Variants in FAM20A observed in about 807,000 individuals in gnomAD.
The protein encoded by FAM20A is FAM20A golgi associated secretory pathway pseudokinase.
Under a neutral mutation model 52.0 loss-of-function variants are expected in FAM20A, and 42 were observed. The observed-to-expected ratio is 0.81, with a 90% CI of 0.63 to 1.04. The LOEUF (loss-of-function observed/expected upper bound fraction) is 1.04, where lower values mean the gene tolerates loss of function less well. Ranked by LOEUF, FAM20A falls within the 50% of genes least tolerant of loss-of-function variation. The probability of loss-of-function intolerance (pLI) is 0.00; values close to 1 mark genes in which losing one functional copy is unlikely to be tolerated. For synonymous variants in FAM20A, 304 were observed against 298.9 expected (o/e 1.02, Z -0.18); for missense variants, 742 against 712.7 (o/e 1.04, Z -0.47).
chr17:68,570,919 T>A (rs1479824735), intron 1 of FAM20A, among the ~76,000 whole-genome samples: 1 of 152,180 alleles, frequency 6.6e-6, no homozygotes, highest in Non-Finnish European at 1.5e-5. Flanking sequence ...CATTAAGTAT[T>A]TTCTAATTAT....
intron 1 of FAM20A, chr17:68,582,236 G>A (rs1224949261): frequency 1.3e-5 from 2 of 152,220 alleles, no homozygotes; most frequent in African/African-American, 4.8e-5. Context: ...CACTGAGAAG[G>A]GTATGTGCAT....
At chr17:68,547,934 C>G (rs769311753) in intron 4 of FAM20A, among the ~76,000 whole-genome samples, 53 of 152,348 alleles carry the variant, frequency 3.5e-4, no homozygotes, top group Middle Eastern at 6.8e-3. Context: ...TAATTTCTCG[C>G]TTCCCATTTA....
At chr17:68,563,419 C>T (rs912765646) in intron 1 of FAM20A, among the ~76,000 whole-genome samples, 6 of 151,208 alleles carry the variant, frequency 4.0e-5, no homozygotes, top group Admixed American at 1.3e-4. Context: ...AGATGCAAAC[C>T]CCTTCCTGAT....
intron 7 of FAM20A, 63 bp from the exon 8 acceptor site, chr17:68,541,021 C>T (rs1405914054): frequency 2.6e-6 from 4 of 1,547,124 alleles, no homozygotes; most frequent in Non-Finnish European, 3.5e-6. Context: ...GGGGGTCTCC[C>T]CACACCTCCC....
At chr17:68,580,298 G>T (rs2907384) in intron 1 of FAM20A, among the ~76,000 whole-genome samples, 34,903 of 152,172 alleles carry the variant, frequency 0.23, 4,320 homozygotes, top group Middle Eastern at 0.28. Context: ...CTGATTAACT[G>T]TTTGCTGTTG....
chr17:68,540,173 G>A (rs2086225189), intron 8 of FAM20A, among the ~76,000 whole-genome samples: 2 of 152,196 alleles, frequency 1.3e-5, no homozygotes. Context: ...AACCCTAAAT[G>A]GACTGGCTTC....
At chr17:68,554,050 A>T (rs2086975934) in intron 3 of FAM20A, among the ~76,000 whole-genome samples, 1 of 130,068 alleles carries the variant, frequency 7.7e-6, no homozygotes, top group African/African-American at 3.6e-5. Flanking sequence ...ATATATACAC[A>T]TATACACATA....
rs1198969357 is a variant in FAM20A at position 68,551,877 on chromosome 17, T to C, written c.715A>G (p.Met239Val). 2 of 1,580,356 alleles carry C rather than the reference T, an allele frequency of 1.3e-6. No homozygotes were observed. The highest frequency in any genetic ancestry group is 1.7e-6 in the Non-Finnish European group (2 of 1,161,134). Reference sequence around the variant, plus strand: ...AGGAGGAAGGCAGTCACTTACCTCATGGGTTTGAACATGGCCTTCCCGAAA... The same window carrying C: ...AGGAGGAAGGCAGTCACTTACCTCACGGGTTTGAACATGGCCTTCCCGAAA... Reference protein sequence around the residue: ...SDFGKAMFKPMRQQRDEETPV... With the variant: ...SDFGKAMFKPVRQQRDEETPV... Residue 239 changes from methionine to valine, a missense_variant, in exon 4 of 11, where the codon ATG becomes GTG. Physicochemically the swap from Met to Val is conservative, Grantham distance 21. Transcript: ENST00000592554.
rs530351888 is a variant in FAM20A, at chr17:68,573,859, G to T, written c.405-18116C>A. 5.9e-5 allele frequency among the ~76,000 whole-genome samples: 9 copies of T among 151,806 alleles called. No individual in the cohort carries two copies. The South Asian group carries it at 1.9e-3, about 32-fold the overall frequency. On this transcript the variant is annotated intron_variant, in intron 1 of 10. Transcript: ENST00000592554. Reference sequence around the variant, plus strand: ...CCAGCTAATTTTTTTGGTATTTTTAGTAGACACAGAGTTTCACCATGTTGG... The same window carrying T: ...CCAGCTAATTTTTTTGGTATTTTTATTAGACACAGAGTTTCACCATGTTGG...
chr17:68,556,478 AT>A (rs1203102172), intron 1 of FAM20A, among the ~76,000 whole-genome samples: 1 of 149,628 alleles, frequency 6.7e-6, no homozygotes, highest in Admixed American at 6.7e-5. Flanking sequence ...AAGCCTTAAC[AT>A]TTTGGAGAAG....
chr17:68,554,127 C>CATAT (rs34315774), intron 3 of FAM20A, among the ~76,000 whole-genome samples: 81 of 146,538 alleles, frequency 5.5e-4, no homozygotes, highest in Non-Finnish European at 9.9e-4. Flanking sequence ...TATACACACA[C>CATAT]ATATATATAT....
intron 8 of FAM20A, 48 bp from the exon 9 acceptor site, chr17:68,540,014 A>C: frequency 6.5e-7 from 1 of 1,530,628 alleles, no homozygotes; most frequent in Non-Finnish European, 9.0e-7. Context: ...CCAGGGGGAC[A>C]GGTGCTCCTG....
chr17:68,543,634 C>T lies in FAM20A; in HGVS notation c.807G>A (p.Leu269=), dbSNP rs2143525300. 2 of 1,614,056 alleles carry T rather than the reference C, an allele frequency of 1.2e-6. No homozygotes were observed. The highest frequency in any genetic ancestry group is 1.7e-6 in the Non-Finnish European group (2 of 1,179,966). ...RHNAEIAAFH[L]DRILDFRRVP... ...TCCATGGGGCCAGACCCTACCTGTC[C>T]AGATGGAAAGCTGCGATCTCAGCAT... Residue 269 remains leucine, a synonymous_variant, in exon 5 of 11, where the codon CTG becomes CTA. Transcript: ENST00000592554.
intron 1 of FAM20A, among the ~76,000 whole-genome samples, chr17:68,575,561 TTA>T (rs1021297612): frequency 9.4e-6 from 1 of 106,416 alleles, no homozygotes; most frequent in Non-Finnish European, 1.8e-5. Context: ...AATATATATT[TTA>T]TATATTATAT....
rs1489400736 is a variant in FAM20A, at chr17:68,537,507, T to C, written c.1596A>G (p.Pro532=). 1 of 1,613,972 alleles carries C rather than the reference T, an allele frequency of 6.2e-7. No homozygotes were observed. The highest frequency in any genetic ancestry group is 1.7e-5 in the Admixed American group (1 of 59,996). The change falls in exon 11 of 11, where the codon CCA becomes CCG. Residue 532 remains proline (P), a synonymous_variant. Coordinates refer to ENST00000592554, the MANE Select transcript of FAM20A (RefSeq NM_017565.4). This position sits in a 1 kb window ranked among gnomAD's most constrained non-coding sequence, Gnocchi z 4.2. Reference sequence around the variant, plus strand: ...TTGTCAAGTTAGCCTGGCCAGAGTCTGGGGCCAACTGTTCCACTGGGCCGT... The same window carrying C: ...TTGTCAAGTTAGCCTGGCCAGAGTCCGGGGCCAACTGTTCCACTGGGCCGT... ...IVDGPVEQLA[P]DSGQANLTS
chr17:68,563,848 T>TA (rs2087295661), intron 1 of FAM20A, among the ~76,000 whole-genome samples: 1 of 152,166 alleles, frequency 6.6e-6, no homozygotes, highest in African/African-American at 2.4e-5. Context: ...TCTCTAGCAT[T>TA]AACCTTTCTT....
chr17:68,596,997 G>A (rs2088470979), intron 1 of FAM20A, among the ~76,000 whole-genome samples: 1 of 152,132 alleles, frequency 6.6e-6, no homozygotes, highest in African/African-American at 2.4e-5. Context: ...TTAACTACAT[G>A]TCTAAATGTT....
chr17:68,600,680 A>G lies in FAM20A; in HGVS notation c.-14T>C. 1.3e-6 allele frequency: 2 copies of G among 1,534,464 alleles called. No homozygotes were observed. The highest frequency in any genetic ancestry group is 1.7e-6 in the Non-Finnish European group (2 of 1,146,874). ...CAGCCCCGGCATGGCGTGCTGGCCA[A>G]GGGGGACGCCGGGGGCAGGCCGGCT... On this transcript the variant is annotated 5_prime_UTR_variant, in exon 1 of 11. Coordinates refer to ENST00000592554, the MANE Select transcript of FAM20A (RefSeq NM_017565.4). This position sits in a 1 kb window ranked among gnomAD's most constrained non-coding sequence, Gnocchi z 6.2.
intron 2 of FAM20A, 126 bp downstream of exon 2, chr17:68,555,433 G>A: frequency 9.7e-7 from 1 of 1,034,520 alleles, no homozygotes; most frequent in South Asian, 1.3e-5. Context: ...CAATGCATAT[G>A]TTCCTCTTCT....
Sources: allele counts gnomAD v4.1 joint callset (sites outside exome capture counted in the v4.1 genomes callset), GRCh38; gene constraint gnomAD v4.1.1; non-coding constraint Gnocchi (gnomAD v3.1); transcripts MANE v1.5; gene names NCBI Gene and HGNC (gene_info 2026-07-23, HGNC 2026-07-21).